FBXL17: variants seen among roughly 807,000 people sequenced by gnomAD.
The protein encoded by FBXL17 is F-box/LRR-repeat protein 17.
A neutral mutation model predicts 66.2 loss-of-function variants in FBXL17; 22 were observed. That is an observed-to-expected ratio of 0.33 (90% CI 0.24 to 0.47). FBXL17 has a LOEUF of 0.47. Among genes scored for constraint, FBXL17 ranks in the 20% least tolerant of loss-of-function variants. FBXL17 has a pLI of 1.00. For missense variants in FBXL17, 878 were observed against 948.2 expected, an observed-to-expected ratio of 0.93 and a Z score of 0.97; for synonymous variants, 474 against 400.5, an observed-to-expected ratio of 1.18 and a Z score of -2.19.
chr5:108,186,364 G>T, intron 5 of FBXL17, 117 bp from the exon 6 acceptor site: 1 of 744,432 alleles, frequency 1.3e-6, no homozygotes, highest in South Asian at 2.2e-5. Flanking sequence ...AAAACAGATA[G>T]GCTAGAATCT....
intron 4 of FBXL17, among the ~76,000 whole-genome samples, chr5:108,285,228 C>A (rs867447326): frequency 2.6e-5 from 4 of 151,994 alleles, no homozygotes; most frequent in Non-Finnish European, 4.4e-5. Flanking sequence ...ACTTCCTCCA[C>A]TGAAGTACTG....
intron 7 of FBXL17, among the ~76,000 whole-genome samples, chr5:107,890,322 A>G (rs1026292717): frequency 2.0e-5 from 3 of 151,846 alleles, no homozygotes; most frequent in Non-Finnish European, 4.4e-5. Flanking sequence ...AGACCACTGT[A>G]AAGACCGAAT....
chr5:108,023,361 G>A (rs994956721), intron 6 of FBXL17, among the ~76,000 whole-genome samples: 8 of 152,212 alleles, frequency 5.3e-5, no homozygotes, highest in Middle Eastern at 3.4e-3. Context: ...CATATATACT[G>A]AGACACAAAA....
chr5:108,365,042 A>G, intron 2 of FBXL17, 47 bp from the exon 3 acceptor site: 1 of 1,401,346 alleles, frequency 7.1e-7, no homozygotes, highest in Non-Finnish European at 9.8e-7. Context: ...AAAAATAAAA[A>G]CGTATTTTCC....
chr5:108,313,769 G>A (rs964078724), intron 4 of FBXL17, among the ~76,000 whole-genome samples: 5 of 151,892 alleles, frequency 3.3e-5, no homozygotes, highest in African/African-American at 4.8e-5. Flanking sequence ...ATATCTGTAC[G>A]TTGTAGTCAT....
intron 7 of FBXL17, among the ~76,000 whole-genome samples, chr5:107,967,804 C>T (rs1329458055): frequency 6.6e-6 from 1 of 151,974 alleles, no homozygotes; most frequent in African/African-American, 2.4e-5. Flanking sequence ...AAAAAAATTT[C>T]TGTAATTGGA....
rs561394636 is a variant in FBXL17 at position 107,980,808 on chromosome 5, C to A, written c.1822+40117G>T. On this transcript the variant is annotated intron_variant, in intron 7 of 8. Coordinates refer to ENST00000542267, the MANE Select transcript of FBXL17 (RefSeq NM_001163315.3). ...AGTAGCTGGGACTACAGGCACCCAC[C>A]ACCACGCCTGGCTAATTTTTTGTAT... Among the ~76,000 whole-genome samples, 272 of 149,682 alleles carry A rather than the reference C, an allele frequency of 1.8e-3. 1 individual carries two copies. The highest frequency in any genetic ancestry group is 6.5e-3 in the African/African-American group (262 of 40,478).
intron 3 of FBXL17, 95 bp from the exon 4 acceptor site, chr5:108,348,625 T>C: frequency 8.3e-7 from 1 of 1,211,606 alleles, no homozygotes; most frequent in Non-Finnish European, 1.2e-6. Context: ...AATAACCACG[T>C]CAGAGTTAAA....
At chr5:108,103,596 T>G (rs1418198816) in intron 6 of FBXL17, among the ~76,000 whole-genome samples, 1 of 152,194 alleles carries the variant, frequency 6.6e-6, no homozygotes, top group Non-Finnish European at 1.5e-5. Context: ...AAGATTAATT[T>G]TTAGCTTTTA....
At position 108,162,573 on chromosome 5, in the gene FBXL17, G is replaced by C. The variant is rs954521589; in HGVS notation, c.1745+23544C>G. On this transcript the variant is annotated intron_variant, in intron 6 of 8. Coordinates refer to ENST00000542267, the MANE Select transcript of FBXL17 (RefSeq NM_001163315.3). ...CAGTAATTTCCACATATTCATTCTT[G>C]AACTGCACTAGCAACTACTTCTCAT... 5.3e-5 allele frequency among the ~76,000 whole-genome samples: 8 copies of C among 152,256 alleles called. No individual in the cohort carries two copies. The South Asian group carries it at 1.7e-3, about 32-fold the overall frequency.
At chr5:107,887,674 C>A (rs915964127) in intron 7 of FBXL17, among the ~76,000 whole-genome samples, 2 of 152,142 alleles carry the variant, frequency 1.3e-5, no homozygotes, top group Non-Finnish European at 2.9e-5. Context: ...TCATTTGTTG[C>A]ATTCATGGTC....
intron 7 of FBXL17, among the ~76,000 whole-genome samples, chr5:107,953,373 A>G (rs1345327485): frequency 6.9e-6 from 1 of 145,714 alleles, no homozygotes; most frequent in Non-Finnish European, 1.5e-5. Flanking sequence ...ACTGCACTCC[A>G]GCCTGGACGA....
Position 108,124,695 on chromosome 5 carries a change from T to C in FBXL17, c.1745+61422A>G, listed in dbSNP as rs545099692. Among the ~76,000 whole-genome samples the C allele has an allele frequency of 4.6e-5, 7 of 152,180 alleles. No homozygotes were observed. In the South Asian group the frequency reaches 1.2e-3, roughly 27 times the overall value. On this transcript the variant is annotated intron_variant, in intron 6 of 8. Coordinates refer to ENST00000542267, the MANE Select transcript of FBXL17 (RefSeq NM_001163315.3). ...CAAGCATAAACAGTTTGACAGTAAT[T>C]TGTATCATTCTCACGGGAAAATAAC...
chr5:108,321,294 G>A lies in FBXL17; in HGVS notation c.1506+27105C>T, dbSNP rs145584884. ...AGAAACTGAGTATCAAAGTGTCTATGGGTAGAGGTAAATTCACAACTCTAA... is the reference window on the plus strand; with the variant it reads ...AGAAACTGAGTATCAAAGTGTCTATAGGTAGAGGTAAATTCACAACTCTAA... On this transcript the variant is annotated intron_variant, in intron 4 of 8. Transcript: ENST00000542267. 3.5e-3 allele frequency among the ~76,000 whole-genome samples: 525 copies of A among 151,886 alleles called. 6 individuals carry two copies. The highest frequency in any genetic ancestry group is 0.012 in the African/African-American group (501 of 41,476).
At chr5:107,993,441 T>C (rs1753342369) in intron 7 of FBXL17, among the ~76,000 whole-genome samples, 1 of 152,200 alleles carries the variant, frequency 6.6e-6, no homozygotes, top group African/African-American at 2.4e-5. Flanking sequence ...CGTGCAAATA[T>C]GTTCTAAGCA....
intron 6 of FBXL17, among the ~76,000 whole-genome samples, chr5:108,112,001 A>G (rs181518318): frequency 2.6e-5 from 4 of 152,308 alleles, no homozygotes; most frequent in East Asian, 1.9e-4. Context: ...AAAACGTTCA[A>G]TGCCTGGAGA....
intron 2 of FBXL17, among the ~76,000 whole-genome samples, chr5:108,367,153 T>A (rs1369476148): frequency 6.6e-6 from 1 of 152,140 alleles, no homozygotes; most frequent in Non-Finnish European, 1.5e-5. Context: ...GCTATTCTTA[T>A]TGACATTTTT....
chr5:108,379,949 C>A (rs551919135), intron 1 of FBXL17, among the ~76,000 whole-genome samples: 63 of 152,328 alleles, frequency 4.1e-4, no homozygotes, highest in African/African-American at 1.5e-3. Context: ...GGCATTACAA[C>A]ATAGCATAAA....
intron 6 of FBXL17, among the ~76,000 whole-genome samples, chr5:108,113,418 CAT>C (rs1458083603): frequency 3.9e-5 from 6 of 151,984 alleles, no homozygotes; most frequent in Admixed American, 6.6e-5. Flanking sequence ...AACATATGCA[CAT>C]GTGTATATAT....
Sources: gnomAD v4.1 joint callset for allele counts (sites outside exome capture counted in the v4.1 genomes callset) on GRCh38, gnomAD v4.1.1 for gene constraint, MANE v1.5 for transcripts, NCBI Gene and HGNC (gene_info 2026-07-23, HGNC 2026-07-21) for gene names.